Variants in SMG6 observed in about 807,000 individuals in gnomAD.
SMG6 encodes the protein SMG6 nonsense mediated mRNA decay factor.
A neutral mutation model predicts 142.2 loss-of-function variants in SMG6; 66 were observed. The observed-to-expected ratio is 0.46, with a 90% CI of 0.38 to 0.57. The LOEUF (loss-of-function observed/expected upper bound fraction) is 0.57, where lower values mean the gene tolerates loss of function less well. Ranked by LOEUF, SMG6 falls within the 20% of genes least tolerant of loss-of-function variation. The pLI is 0.00. For synonymous variants in SMG6, 779 were observed against 702.4 expected (o/e 1.11, Z -1.72); for missense variants, 1,793 against 1,832.0 (o/e 0.98, Z 0.39).
rs1410311057 is a variant in SMG6, at chr17:2,065,539, G to C, written c.3976C>G (p.Arg1326Gly). Reference sequence around the variant, plus strand: ...TCATTGCCACGGCTGGTCAGGGCTCGCAGGCAAGAGTCCCGACTCTCGAAT... The same window carrying C: ...TCATTGCCACGGCTGGTCAGGGCTCCCAGGCAAGAGTCCCGACTCTCGAAT... ...QRFESRDSCL[R>G]ALTSRGNELE... The change falls in exon 17 of 19, where the codon CGA becomes GGA. Residue 1326 changes from arginine (R) to glycine (G), a missense_variant. Physicochemically the swap from Arg to Gly is moderately radical, Grantham distance 125. Coordinates refer to ENST00000263073, the MANE Select transcript of SMG6 (RefSeq NM_017575.5). 1 of 1,613,922 alleles carries C rather than the reference G, an allele frequency of 6.2e-7. No individual in the cohort carries two copies. The highest frequency in any genetic ancestry group is 8.5e-7 in the Non-Finnish European group (1 of 1,179,990).
intron 1 of SMG6, among the ~76,000 whole-genome samples, chr17:2,301,189 A>G (rs2075270401): frequency 6.6e-6 from 1 of 152,172 alleles, no homozygotes; most frequent in Non-Finnish European, 1.5e-5. Flanking sequence ...TCAGTCCTGG[A>G]CATCTCTGGA....
At chr17:2,102,577 G>C (rs1394554855) in intron 13 of SMG6, among the ~76,000 whole-genome samples, 1 of 118,608 alleles carries the variant, frequency 8.4e-6, no homozygotes, top group Non-Finnish European at 1.6e-5. Flanking sequence ...TCACTATGTT[G>C]CCCAGGCTGG....
chr17:2,173,618 AC>A (rs1381435061), intron 12 of SMG6, among the ~76,000 whole-genome samples: 2 of 151,620 alleles, frequency 1.3e-5, no homozygotes, highest in African/African-American at 4.9e-5. Flanking sequence ...GTCCCCAGAA[AC>A]CCCCCAGTCC....
chr17:2,101,789 G>A (rs1406013616), intron 13 of SMG6: 1 of 152,242 alleles, frequency 6.6e-6, no homozygotes, highest in Non-Finnish European at 1.5e-5. Flanking sequence ...GATTATAGAG[G>A]TGAGGAAATT....
intron 13 of SMG6, among the ~76,000 whole-genome samples, chr17:2,114,300 A>C (rs535718592): frequency 6.6e-6 from 1 of 152,174 alleles, no homozygotes; most frequent in Non-Finnish European, 1.5e-5. Context: ...CCCCAAAATG[A>C]AAACAAAACT....
At chr17:2,120,933 C>T (rs947312134) in intron 13 of SMG6, among the ~76,000 whole-genome samples, 3 of 151,922 alleles carry the variant, frequency 2.0e-5, no homozygotes, top group Admixed American at 6.6e-5. Flanking sequence ...CCTTGGGCCA[C>T]GCGTAAAATA....
intron 13 of SMG6, among the ~76,000 whole-genome samples, chr17:2,124,419 A>AG (rs1166111326): frequency 6.6e-6 from 1 of 152,226 alleles, no homozygotes; most frequent in African/African-American, 2.4e-5. Context: ...ACTGATGTAG[A>AG]GTAGTCATGG....
At chr17:2,147,053 G>C (rs1188554675) in intron 13 of SMG6, among the ~76,000 whole-genome samples, 2 of 152,152 alleles carry the variant, frequency 1.3e-5, no homozygotes, top group African/African-American at 4.8e-5. Flanking sequence ...AAATCCAAAA[G>C]AAGGTATATA....
At chr17:2,116,679 T>C (rs548535984) in intron 13 of SMG6, among the ~76,000 whole-genome samples, 2 of 151,724 alleles carry the variant, frequency 1.3e-5, no homozygotes, top group African/African-American at 2.4e-5. Flanking sequence ...ACCCAGGAGG[T>C]AGAGGTTGCA....
intron 13 of SMG6, among the ~76,000 whole-genome samples, chr17:2,129,306 G>A (rs1354025779): frequency 1.3e-5 from 2 of 151,978 alleles, no homozygotes; most frequent in Non-Finnish European, 2.9e-5. Flanking sequence ...CTGGGCAATG[G>A]GAATAAGAAC....
chr17:2,300,492 A>C lies in SMG6; in HGVS notation c.261T>G (p.Val87=). The change falls in exon 2 of 19, where the codon GTT becomes GTG. Residue 87 remains valine (V), a synonymous_variant. Transcript: ENST00000263073. The part of the protein sequence containing the change: ...EIVNDRDCSA[V]ENGTQPVKDV... ...CTTTAACGGGCTGTGTACCATTTTC[A>C]ACAGCAGAGCAATCTCGGTCATTAA... 4.3e-6 allele frequency: 7 copies of C among 1,614,110 alleles called. No individual in the cohort carries two copies. The highest frequency in any genetic ancestry group is 5.9e-6 in the Non-Finnish European group (7 of 1,180,008).
At chr17:2,284,350 A>G (rs1009160495) in intron 6 of SMG6, among the ~76,000 whole-genome samples, 3 of 152,162 alleles carry the variant, frequency 2.0e-5, no homozygotes, top group Admixed American at 6.6e-5. Flanking sequence ...ATTGTTATTG[A>G]TAATTTTTTA....
chr17:2,211,455 G>A (rs1190522648), intron 10 of SMG6, among the ~76,000 whole-genome samples: 1 of 152,052 alleles, frequency 6.6e-6, no homozygotes, highest in Non-Finnish European at 1.5e-5. Context: ...ATGAGGTCAG[G>A]GGATCGAGAC....
Position 2,082,004 on chromosome 17 carries a change from G to A in SMG6, c.3535-48C>T, listed in dbSNP as rs867145134. On this transcript the variant is annotated intron_variant, in intron 14 of 18. Coordinates refer to ENST00000263073, the MANE Select transcript of SMG6 (RefSeq NM_017575.5). ...GGACAAAGAGGAGACAGTTAGCTGGGCCCATGGCTCTTACTGAACCCAACA... is the reference window on the plus strand; with the variant it reads ...GGACAAAGAGGAGACAGTTAGCTGGACCCATGGCTCTTACTGAACCCAACA... 10 of 1,606,028 alleles carry A rather than the reference G, an allele frequency of 6.2e-6. No homozygotes were observed. In the African/African-American group the frequency reaches 1.3e-4, roughly 21 times the overall value.
chr17:2,269,588 T>G (rs1247112591), intron 8 of SMG6, among the ~76,000 whole-genome samples: 2 of 152,192 alleles, frequency 1.3e-5, no homozygotes, highest in Admixed American at 1.3e-4. Flanking sequence ...ACTTTCACTT[T>G]GCTGGTCTAC....
At chr17:2,064,237 T>C (rs1232700292) in intron 18 of SMG6, among the ~76,000 whole-genome samples, 1 of 152,054 alleles carries the variant, frequency 6.6e-6, no homozygotes, top group African/African-American at 2.4e-5. Context: ...GCTCTGCAGA[T>C]GACACAGAGC....
intron 12 of SMG6, among the ~76,000 whole-genome samples, chr17:2,184,497 A>G (rs2071909812): frequency 6.6e-6 from 1 of 150,782 alleles, no homozygotes; most frequent in Admixed American, 6.6e-5. Flanking sequence ...ATCTCTACTA[A>G]AAATAAAAAA....
Position 2,303,771 on chromosome 17 carries a change from C to T in SMG6, c.-51G>A. ...GCGGCTCCGCCACCGCCGCGCGCAGCCAGGAAACCACCACAGACGGGCGGC... is the reference window on the plus strand; with the variant it reads ...GCGGCTCCGCCACCGCCGCGCGCAGTCAGGAAACCACCACAGACGGGCGGC... On this transcript the variant is annotated 5_prime_UTR_variant, in exon 1 of 19. Coordinates refer to ENST00000263073, the MANE Select transcript of SMG6 (RefSeq NM_017575.5). 6.9e-7 allele frequency: 1 copy of T among 1,445,740 alleles called. No homozygotes were observed. Among genetic ancestry groups the T allele is most frequent in the Non-Finnish European group, 9.2e-7 (1 of 1,090,516 alleles). The allele number at this position is 1,445,740 out of a possible 1,614,324, so 89.6% of individuals were successfully genotyped here. A position where few individuals can be genotyped will look rare whatever the true frequency, so the allele number is the denominator to read the frequency against.
intron 16 of SMG6, among the ~76,000 whole-genome samples, chr17:2,066,694 C>CACACACACAA (rs1375441508): frequency 6.6e-6 from 1 of 150,866 alleles, no homozygotes; most frequent in Admixed American, 6.6e-5. Flanking sequence ...CACACACACA[C>CACACACACAA]AATGCCCATG....
Sources: allele counts gnomAD v4.1 joint callset (sites outside exome capture counted in the v4.1 genomes callset), GRCh38; gene constraint gnomAD v4.1.1; transcripts MANE v1.5; gene names NCBI Gene and HGNC (gene_info 2026-07-23, HGNC 2026-07-21).